Variants in MYBBP1A observed in about 807,000 individuals in gnomAD.
MYBBP1A encodes the protein myb-binding protein 1A.
In MYBBP1A, 147 loss-of-function variants were observed where a neutral mutation model predicts 136.3. The observed-to-expected ratio is 1.08, with a 90% CI of 0.94 to 1.24. MYBBP1A has a LOEUF of 1.24. Among genes scored for constraint, MYBBP1A ranks in the 50% most tolerant of loss-of-function variants. The pLI is 0.00. For missense variants in MYBBP1A, 2,060 were observed against 1,727.4 expected (o/e 1.19, Z -3.41); for synonymous variants, 947 against 735.8 (o/e 1.29, Z -4.65).
chr17:4,546,093 G>T, intron 13 of MYBBP1A, 151 bp from the exon 14 acceptor site: 1 of 672,138 alleles, frequency 1.5e-6, no homozygotes, highest in Non-Finnish European at 2.5e-6. Flanking sequence ...CCACAATCCA[G>T]AACAGAAGAC....
rs1189108032 is a variant in MYBBP1A at position 4,555,215 on chromosome 17, T to C, written c.110A>G (p.Asp37Gly). The C allele has an allele frequency of 6.2e-7, 1 of 1,611,526 alleles. No homozygotes were observed. The highest frequency in any genetic ancestry group is 8.5e-7 in the Non-Finnish European group (1 of 1,179,318). ...GLLKHSREFL[D>G]FFWDIAKPEQ... is the part of the protein sequence containing the mutation. ...AGGCTTCGCAATGTCCCAGAAGAAGTCCAAGAACTCGCGACTGTGCTTCAA... is the reference window on the plus strand; with the variant it reads ...AGGCTTCGCAATGTCCCAGAAGAAGCCCAAGAACTCGCGACTGTGCTTCAA... Residue 37 changes from aspartate (D) to glycine (G), a missense_variant, in exon 1 of 26, where the codon GAC (aspartate) becomes GGC (glycine). Transcript: ENST00000254718.
intron 19 of MYBBP1A, 28 bp from the exon 20 acceptor site, chr17:4,543,193 C>G: frequency 5.7e-6 from 9 of 1,578,802 alleles, no homozygotes; most frequent in Non-Finnish European, 7.7e-6. Flanking sequence ...GAGAGCTGGT[C>G]AGAACATTCT....
At position 4,551,953 on chromosome 17, in the gene MYBBP1A, G is replaced by C. The variant is rs139084335; in HGVS notation, c.950C>G (p.Thr317Ser). 37 of 1,612,776 alleles carry C rather than the reference G, an allele frequency of 2.3e-5. No homozygotes were observed. The African/African-American group carries it at 4.7e-4, about 20-fold the overall frequency. Reference sequence around the variant, plus strand: ...CATCACCAGGTGCAGCTGCTCCTTGGTCAGCAGGGGCAGGGCCGCGCCCAG... The same window carrying C: ...CATCACCAGGTGCAGCTGCTCCTTGCTCAGCAGGGGCAGGGCCGCGCCCAG... ...RLLGAALPLL[T>S]KEQLHLVMQG... is the part of the protein sequence containing the mutation. The change falls in exon 8 of 26, where the codon ACC (threonine) becomes AGC (serine). Residue 317 changes from threonine to serine, a missense_variant. Coordinates refer to ENST00000254718, the MANE Select transcript of MYBBP1A (RefSeq NM_014520.4).
In MYBBP1A at chr17:4,539,065, G is replaced by A; in HGVS notation, c.*350C>T. The A allele has an allele frequency of 2.3e-6, 3 of 1,285,782 alleles. No individual in the cohort carries two copies. The South Asian group carries it at 3.6e-5, about 15-fold the overall frequency. 79.6% of individuals were successfully genotyped at this position (1,285,782 alleles called of 1,614,324 possible). A position where few individuals can be genotyped will look rare whatever the true frequency, so the allele number is the denominator to read the frequency against. On this transcript the variant is annotated 3_prime_UTR_variant, in exon 26 of 26. Coordinates refer to ENST00000254718, the MANE Select transcript of MYBBP1A (RefSeq NM_014520.4). ...CTGGTGGCTCCCTCACAGCAAAAAA[G>A]CCTGGGGGCAAAGAGGTGGCAGGCA...
rs574277551 is a variant in MYBBP1A at position 4,545,117 on chromosome 17, C to G, written c.2219G>C (p.Gly740Ala). ...RSSESEEESE[G>A]EESEEEERDG... ...GCGCTCCTCCTCCTCGCTCTCCTCC[C>G]CCTCGCTCTCCTCTTCACTCTCTGA... The change falls in exon 17 of 26, where the codon GGG becomes GCG. Residue 740 changes from glycine to alanine, a missense_variant. Transcript: ENST00000254718. 4 of 1,609,992 alleles carry G rather than the reference C, an allele frequency of 2.5e-6. No homozygotes were observed. The highest frequency in any genetic ancestry group is 3.4e-6 in the Non-Finnish European group (4 of 1,178,294).
Position 4,541,359 on chromosome 17 carries a change from C to T in MYBBP1A, c.3297+104G>A, listed in dbSNP as rs1202583486. 5 of 1,018,510 alleles carry T rather than the reference C, an allele frequency of 4.9e-6. No homozygotes were observed. The Admixed American group carries it at 5.4e-5, about 11-fold the overall frequency. 63.1% of individuals were successfully genotyped at this position (1,018,510 alleles called of 1,614,324 possible). ...GGCACTGAGAAGTTTCCCCACATGA[C>T]CCCCATCCCTGCAGTCCAGCCCGGG... On this transcript the variant is annotated intron_variant, in intron 24 of 25. Coordinates refer to ENST00000254718, the MANE Select transcript of MYBBP1A (RefSeq NM_014520.4).
intron 22 of MYBBP1A, 67 bp downstream of exon 22, chr17:4,542,397 C>G (rs111981137): frequency 1.7e-4 from 251 of 1,505,500 alleles, no homozygotes; most frequent in African/African-American, 1.6e-3. Flanking sequence ...TCACAATATC[C>G]AGTCAGAAGA....
Position 4,555,136 on chromosome 17 carries a change from G to A in MYBBP1A, c.189C>T (p.Gly63=). Residue 63 remains glycine (G), a synonymous_variant, in exon 1 of 26, where the codon GGC becomes GGT. Coordinates refer to ENST00000254718, the MANE Select transcript of MYBBP1A (RefSeq NM_014520.4). ...ATEKLLEYLR[G]RPKGSEMKYA... Reference sequence around the variant, plus strand: ...GACCCCGCCACTCCACCTTCGGCCTGCCACGCAGATACTCCAGCAGCTTCT... The same window carrying A: ...GACCCCGCCACTCCACCTTCGGCCTACCACGCAGATACTCCAGCAGCTTCT... 2.5e-6 allele frequency: 4 copies of A among 1,592,780 alleles called. No individual in the cohort carries two copies. The highest frequency in any genetic ancestry group is 2.6e-6 in the Non-Finnish European group (3 of 1,169,494).
In MYBBP1A at chr17:4,545,789, T is replaced by A. The variant is rs760336761; in HGVS notation, c.1922-28A>T. Reference sequence around the variant, plus strand: ...GCAAGAGGGAGGGGTTGAGCCCGGATAGGGGACCGCTGGCCCCACCCCACC... The same window carrying A: ...GCAAGAGGGAGGGGTTGAGCCCGGAAAGGGGACCGCTGGCCCCACCCCACC... On this transcript the variant is annotated intron_variant, in intron 14 of 25. Transcript: ENST00000254718. The A allele has an allele frequency of 2.5e-6, 4 of 1,607,876 alleles. No individual in the cohort carries two copies. The East Asian group carries it at 9.0e-5, about 36-fold the overall frequency.
chr17:4,551,883 A>C lies in MYBBP1A; in HGVS notation c.1020T>G (p.Ala340=). Residue 340 remains alanine (A), a synonymous_variant, in exon 8 of 26, where the codon GCT becomes GCG. Coordinates refer to ENST00000254718, the MANE Select transcript of MYBBP1A (RefSeq NM_014520.4). The part of the protein sequence containing the change: ...IRHYGEHVCT[A]KLPKQFKFAP... ...GAGCTGCACGGGCATTACCCACCTT[A>C]GCAGTGCACACGTGCTCCCCGTAAT... The C allele has an allele frequency of 6.2e-7, 1 of 1,612,662 alleles. No homozygotes were observed. The highest frequency in any genetic ancestry group is 8.5e-7 in the Non-Finnish European group (1 of 1,179,390).
intron 8 of MYBBP1A, among the ~76,000 whole-genome samples, chr17:4,550,838 G>A (rs999309892): frequency 2.6e-5 from 4 of 152,254 alleles, no homozygotes; most frequent in African/African-American, 7.2e-5. Context: ...CCCGCGCTCC[G>A]CCTTTTTGGG....
At chr17:4,553,622 CAAATGTCACT>C (rs1291819878) in intron 5 of MYBBP1A, among the ~76,000 whole-genome samples, 178 bp downstream of exon 5, 1 of 152,224 alleles carries the variant, frequency 6.6e-6, no homozygotes, top group Non-Finnish European at 1.5e-5. Flanking sequence ...CAGATAAAGT[CAAATGTCACT>C]AAATGTTACT....
In MYBBP1A at chr17:4,545,243, C is replaced by A. The variant is rs1175607522; in HGVS notation, c.2160+16G>T. 1.2e-6 allele frequency: 2 copies of A among 1,612,968 alleles called. No homozygotes were observed. Among genetic ancestry groups the A allele is most frequent in the Non-Finnish European group, 1.7e-6 (2 of 1,179,944 alleles). ...CCCACTCCCCACCGCCCCCGCCCGG[C>A]CCATGCTGGCAACACCTCTGCACCC... On this transcript the variant is annotated intron_variant, in intron 16 of 25. Transcript: ENST00000254718.
intron 24 of MYBBP1A, 64 bp downstream of exon 24, chr17:4,541,399 C>T: frequency 7.0e-7 from 1 of 1,427,306 alleles, no homozygotes; most frequent in Non-Finnish European, 9.8e-7. Context: ...GCACTGCTGG[C>T]CGGGAGGCCC....
Position 4,552,233 on chromosome 17 carries a change from G to A in MYBBP1A, c.797C>T (p.Ala266Val). The change falls in exon 7 of 26, where the codon GCC (alanine) becomes GTC (valine). Residue 266 changes from alanine to valine, a missense_variant. By Grantham distance (64) the Ala-to-Val change is moderately conservative (BLOSUM62 0). Coordinates refer to ENST00000254718, the MANE Select transcript of MYBBP1A (RefSeq NM_014520.4). The surrounding 1 kb of genome is among the most constrained non-coding windows in gnomAD (Gnocchi z 4.7). Reference protein sequence around the residue: ...SSVKKDRKLPAIALDLLRLAL... With the variant: ...SSVKKDRKLPVIALDLLRLAL... ...CAGGCGGAGCAGGTCCAGAGCAATG[G>A]CGGGCAGCTTGCGGTCCTTCTTCAC... The A allele has an allele frequency of 6.2e-7, 1 of 1,614,214 alleles. No individual in the cohort carries two copies. The highest frequency in any genetic ancestry group is 8.5e-7 in the Non-Finnish European group (1 of 1,180,040).
rs1454607383 is a variant in MYBBP1A, at chr17:4,545,865, C to A, written c.1902G>T (p.Arg634=). ...ACCCACCGATGGTCTTGGTGCGGCT[C>A]CGGCGGGGCTTCTCTCCCAGACTTT... is the stretch of plus-strand genomic sequence containing the variant. ...IRKSLGEKPR[R]SRTKTIDPQE... The change falls in exon 14 of 26, where the codon CGG becomes CGT. Residue 634 remains arginine (R), a synonymous_variant. Coordinates refer to ENST00000254718, the MANE Select transcript of MYBBP1A (RefSeq NM_014520.4). 1 of 1,613,292 alleles carries A rather than the reference C, an allele frequency of 6.2e-7. No individual in the cohort carries two copies. Among genetic ancestry groups the A allele is most frequent in the South Asian group, 1.1e-5 (1 of 91,028 alleles).
At chr17:4,540,063 G>A (rs1906224530) in intron 25 of MYBBP1A, 96 bp from the exon 26 acceptor site, 2 of 1,418,954 alleles carry the variant, frequency 1.4e-6, no homozygotes, top group Admixed American at 3.8e-5. Context: ...AGGGTCCTCT[G>A]AGGCCCCTAG....
intron 19 of MYBBP1A, among the ~76,000 whole-genome samples, chr17:4,543,747 G>A (rs1346968724): frequency 6.6e-6 from 1 of 152,000 alleles, no homozygotes; most frequent in African/African-American, 2.4e-5. Context: ...AGCTCTGAAG[G>A]CAGGTCTACC....
intron 25 of MYBBP1A, among the ~76,000 whole-genome samples, 164 bp downstream of exon 25, chr17:4,540,184 T>C (rs1470437765): frequency 4.6e-5 from 7 of 151,090 alleles, no homozygotes; most frequent in Non-Finnish European, 8.8e-5. Context: ...GTGAGGGTCC[T>C]ACAGCTCCCA....
Sources: allele counts gnomAD v4.1 joint callset (sites outside exome capture counted in the v4.1 genomes callset), GRCh38; gene constraint gnomAD v4.1.1; non-coding constraint Gnocchi (gnomAD v3.1); transcripts MANE v1.5; gene names NCBI Gene and HGNC (gene_info 2026-07-23, HGNC 2026-07-21).